Variants in KCNK13 observed in about 807,000 individuals in gnomAD.
KCNK13 encodes the protein potassium two pore domain channel subfamily K member 13, also known as potassium channel subfamily K member 13.
In KCNK13, 12 loss-of-function variants were observed where a neutral mutation model predicts 23.4. The ratio of observed to expected loss-of-function variants is 0.51; its 90% CI spans 0.33 to 0.83. The LOEUF (loss-of-function observed/expected upper bound fraction) is 0.83, where lower values mean the gene tolerates loss of function less well. Ranked by LOEUF, KCNK13 falls within the 40% of genes least tolerant of loss-of-function variation. KCNK13 has a pLI of 0.02. For missense variants in KCNK13, 463 were observed against 556.3 expected (o/e 0.83, Z 1.69); for synonymous variants, 231 against 229.5 (o/e 1.01, Z -0.06).
intron 1 of KCNK13, among the ~76,000 whole-genome samples, chr14:90,080,575 A>G (rs1889196931): frequency 6.6e-6 from 1 of 152,198 alleles, no homozygotes; most frequent in African/African-American, 2.4e-5. Flanking sequence ...CTATCTTAGG[A>G]GGATGGGATC....
chr14:90,163,145 T>C (rs533476433), intron 1 of KCNK13, among the ~76,000 whole-genome samples: 1 of 152,318 alleles, frequency 6.6e-6, no homozygotes, highest in South Asian at 2.1e-4. Context: ...ACATCTGGCA[T>C]GTAGTAGATG....
At chr14:90,164,064 G>T (rs1890277576) in intron 1 of KCNK13, among the ~76,000 whole-genome samples, 1 of 152,146 alleles carries the variant, frequency 6.6e-6, no homozygotes, top group African/African-American at 2.4e-5. Flanking sequence ...TTCATGGGAG[G>T]TGTCTGTCTT....
chr14:90,062,699 C>T lies in KCNK13; in HGVS notation c.334+160C>T, dbSNP rs1596760687. The stretch of plus-strand genomic sequence containing the variant: ...TGATCAACAGGTGGTATTGCCTCCC[C>T]GCTGCTCTAATGTGGTCCAGGCACC... On this transcript the variant is annotated intron_variant, in intron 1 of 1. Coordinates refer to ENST00000282146, the MANE Select transcript of KCNK13 (RefSeq NM_022054.4). The surrounding 1 kb of genome is among the most constrained non-coding windows in gnomAD (Gnocchi z 4.5). Among the ~76,000 whole-genome samples, 3 of 152,282 alleles carry T rather than the reference C, an allele frequency of 2.0e-5. No individual in the cohort carries two copies. Among genetic ancestry groups the T allele is most frequent in the Admixed American group, 2.0e-4 (3 of 15,300 alleles).
chr14:90,185,142 T>C lies in KCNK13; in HGVS notation c.*139T>C, dbSNP rs1021922794. The C allele has an allele frequency of 5.0e-5, 37 of 735,074 alleles. No individual in the cohort carries two copies. In the East Asian group the frequency reaches 1.0e-3, roughly 20 times the overall value. The allele number at this position is 735,074 out of a possible 1,614,324, so 45.5% of individuals were successfully genotyped here. On this transcript the variant is annotated 3_prime_UTR_variant, in exon 2 of 2. Transcript: ENST00000282146. Reference sequence around the variant, plus strand: ...GAGCCTCCGCAAGCATCTTTAGAAATCTGATCTCGGCTCCAACCAACAGCC... The same window carrying C: ...GAGCCTCCGCAAGCATCTTTAGAAACCTGATCTCGGCTCCAACCAACAGCC...
chr14:90,135,510 G>T (rs569889504), intron 1 of KCNK13, among the ~76,000 whole-genome samples: 1 of 152,172 alleles, frequency 6.6e-6, no homozygotes, highest in Non-Finnish European at 1.5e-5. Flanking sequence ...GCCACTACCC[G>T]ATGTGGGGTC....
intron 1 of KCNK13, among the ~76,000 whole-genome samples, chr14:90,072,366 G>A (rs1278685240): frequency 2.0e-5 from 3 of 152,224 alleles, no homozygotes; most frequent in Admixed American, 2.0e-4. Context: ...GTAACGGGGT[G>A]TAGGACATTA....
At chr14:90,170,514 T>C (rs1890353061) in intron 1 of KCNK13, among the ~76,000 whole-genome samples, 1 of 152,018 alleles carries the variant, frequency 6.6e-6, no homozygotes, top group South Asian at 2.1e-4. Context: ...GCACCTGGCC[T>C]CAATCATTTT....
chr14:90,100,458 T>G (rs143229873), intron 1 of KCNK13, among the ~76,000 whole-genome samples: 1 of 152,288 alleles, frequency 6.6e-6, no homozygotes, highest in Non-Finnish European at 1.5e-5. Context: ...TACTTCTGTT[T>G]GCTGGAGAGA....
chr14:90,102,576 G>A (rs2140407315), intron 1 of KCNK13, among the ~76,000 whole-genome samples: 1 of 152,230 alleles, frequency 6.6e-6, no homozygotes, highest in Non-Finnish European at 1.5e-5. Context: ...CAATGACACG[G>A]AGAGTAGAGT....
At chr14:90,150,532 T>C (rs1890123788) in intron 1 of KCNK13, among the ~76,000 whole-genome samples, 1 of 152,174 alleles carries the variant, frequency 6.6e-6, no homozygotes, top group Non-Finnish European at 1.5e-5. Flanking sequence ...CACTCCAACC[T>C]GCAAAATCCA....
At chr14:90,079,992 G>A (rs1889188187) in intron 1 of KCNK13, among the ~76,000 whole-genome samples, 1 of 152,200 alleles carries the variant, frequency 6.6e-6, no homozygotes, top group African/African-American at 2.4e-5. Flanking sequence ...GGGAGAGAAG[G>A]AGGGAGGGTT....
chr14:90,086,891 CCT>C lies in KCNK13; in HGVS notation c.334+24353_334+24354del, dbSNP rs368713244. On this transcript the variant is annotated intron_variant, in intron 1 of 1. Transcript: ENST00000282146. ...TATATTTACTGGCATCCAACTAACC[CCT>C]GAGGGACTAACCTTGAGCATATCTT... Among the ~76,000 whole-genome samples, 487 of 151,880 alleles carry C rather than the reference CCT, an allele frequency of 3.2e-3. 5 individuals are homozygous for C. Among genetic ancestry groups the C allele is most frequent in the African/African-American group, 0.011 (464 of 41,418 alleles).
At chr14:90,153,217 T>C (rs1890156477) in intron 1 of KCNK13, among the ~76,000 whole-genome samples, 1 of 152,134 alleles carries the variant, frequency 6.6e-6, no homozygotes, top group South Asian at 2.1e-4. Context: ...CAGAATTAGG[T>C]ATTCCTCCCA....
intron 1 of KCNK13, among the ~76,000 whole-genome samples, chr14:90,122,709 T>TG (rs1324637753): frequency 6.6e-6 from 1 of 150,784 alleles, no homozygotes; most frequent in Non-Finnish European, 1.5e-5. Flanking sequence ...TCAATGAACA[T>TG]GAAAAAAAAG....
chr14:90,102,268 C>T (rs1262593094), intron 1 of KCNK13, among the ~76,000 whole-genome samples: 1 of 152,158 alleles, frequency 6.6e-6, no homozygotes, highest in Non-Finnish European at 1.5e-5. Context: ...CCCTTTAAGG[C>T]AGAATGTACA....
chr14:90,177,369 T>A (rs750983043), intron 1 of KCNK13: 34 of 152,302 alleles, frequency 2.2e-4, no homozygotes, highest in Non-Finnish European at 4.0e-4. Flanking sequence ...AGAAAATAAT[T>A]AAATCATTTG....
chr14:90,115,354 C>T (rs1253093068), intron 1 of KCNK13, among the ~76,000 whole-genome samples: 2 of 152,180 alleles, frequency 1.3e-5, no homozygotes, highest in African/African-American at 4.8e-5. Context: ...CTGGGAACTG[C>T]ATCACCACAA....
At position 90,174,447 on chromosome 14, in the gene KCNK13, G is replaced by T. The variant is rs189402486; in HGVS notation, c.335-9664G>T. On this transcript the variant is annotated intron_variant, in intron 1 of 1. Coordinates refer to ENST00000282146, the MANE Select transcript of KCNK13 (RefSeq NM_022054.4). ...ACCAGGTCCCTCCTTTGACACGTGGGGATTATAATATGAGGTGACATTTGG... is the reference window on the plus strand; with the variant it reads ...ACCAGGTCCCTCCTTTGACACGTGGTGATTATAATATGAGGTGACATTTGG... Among the ~76,000 whole-genome samples the T allele has an allele frequency of 5.9e-5, 9 of 152,208 alleles. No homozygotes were observed. The East Asian group carries it at 1.7e-3, about 29-fold the overall frequency.
At chr14:90,165,787 G>T (rs1031647894) in intron 1 of KCNK13, among the ~76,000 whole-genome samples, 21 of 152,142 alleles carry the variant, frequency 1.4e-4, no homozygotes, top group African/African-American at 4.6e-4. Flanking sequence ...AGCATTTATT[G>T]CTTCTAGCAT....
Sources: allele counts gnomAD v4.1 joint callset (sites outside exome capture counted in the v4.1 genomes callset), GRCh38; gene constraint gnomAD v4.1.1; non-coding constraint Gnocchi (gnomAD v3.1); transcripts MANE v1.5; gene names NCBI Gene and HGNC (gene_info 2026-07-23, HGNC 2026-07-21).